Variants in SBF1 observed in about 807,000 individuals in gnomAD.
SBF1 encodes the protein SET binding factor 1.
In SBF1, 65 loss-of-function variants were observed where a neutral mutation model predicts 215.8. The observed-to-expected ratio is 0.30, with a 90% CI of 0.25 to 0.37. The LOEUF (loss-of-function observed/expected upper bound fraction) is 0.37, where lower values mean the gene tolerates loss of function less well. Among genes scored for constraint, SBF1 ranks in the 10% least tolerant of loss-of-function variants. SBF1 has a pLI of 1.00. For missense variants in SBF1, 2,634 were observed against 2,667.8 expected (o/e 0.99, Z 0.28); for synonymous variants, 1,410 against 1,122.8 (o/e 1.26, Z -5.11).
Position 50,455,254 on chromosome 22 carries a change from G to A in SBF1, c.4524C>T (p.Val1508=). ...GTACGCAGTCCAGGAACTGCAGGAA[G>A]ACGGGTGTGAAGCCGCTGCTCTGCC... ...LAGQSSGFTP[V]FLQFLDCVHQ... The change falls in exon 33 of 41, where the codon GTC becomes GTT. Residue 1508 remains valine, a synonymous_variant. Coordinates refer to ENST00000380817, the MANE Select transcript of SBF1 (RefSeq NM_002972.4). The A allele has an allele frequency of 6.2e-7, 1 of 1,613,210 alleles. No homozygotes were observed. The highest frequency in any genetic ancestry group is 8.5e-7 in the Non-Finnish European group (1 of 1,179,714).
At chr22:50,448,881 G>A (rs1295275932) in intron 36 of SBF1, among the ~76,000 whole-genome samples, 1 of 152,126 alleles carries the variant, frequency 6.6e-6, no homozygotes, top group East Asian at 1.9e-4. Flanking sequence ...ACATAATCAA[G>A]AAGCACTACA....
At chr22:50,469,830 G>A (rs530629832) in intron 1 of SBF1, among the ~76,000 whole-genome samples, 1 of 152,112 alleles carries the variant, frequency 6.6e-6, no homozygotes, top group African/African-American at 2.4e-5. Context: ...GCAGCCCAAT[G>A]GCACACACTC....
chr22:50,468,368 C>G lies in SBF1; in HGVS notation c.141+8G>C, dbSNP rs770691335. The G allele has an allele frequency of 6.2e-7, 1 of 1,612,308 alleles. No homozygotes were observed. Among genetic ancestry groups the G allele is most frequent in the East Asian group, 2.2e-5 (1 of 44,774 alleles). The stretch of plus-strand genomic sequence containing the variant: ...TGCCAGCACCGTCTCAGCACGCCCC[C>G]AACTCACCAGCTCGATGCCCTGGGG... On this transcript the variant is annotated splice_region_variant and intron_variant, in intron 2 of 40. Transcript: ENST00000380817.
At chr22:50,459,031 C>T (rs2067382760) in intron 28 of SBF1, among the ~76,000 whole-genome samples, 2 of 152,114 alleles carry the variant, frequency 1.3e-5, no homozygotes, top group South Asian at 2.1e-4. Flanking sequence ...GACGTCAGGG[C>T]GGGCAGGAGG....
chr22:50,455,622 G>T, intron 31 of SBF1, 40 bp from the exon 32 acceptor site: 1 of 1,514,110 alleles, frequency 6.6e-7, no homozygotes, highest in Non-Finnish European at 9.0e-7. Flanking sequence ...GGGACCCACC[G>T]CCCTCCCGCC....
At chr22:50,473,794 C>A (rs2068077393) in intron 1 of SBF1, among the ~76,000 whole-genome samples, 1 of 152,208 alleles carries the variant, frequency 6.6e-6, no homozygotes, top group African/African-American at 2.4e-5. Flanking sequence ...CCACACACTG[C>A]CAGTCTGCAG....
chr22:50,463,178 A>T, intron 16 of SBF1, 105 bp downstream of exon 16: 2 of 1,439,074 alleles, frequency 1.4e-6, no homozygotes, highest in Non-Finnish European at 1.9e-6. Context: ...CTGGCACAGG[A>T]GTCTCTTGCA....
At position 50,462,320 on chromosome 22, in the gene SBF1, C is replaced by T. The variant is rs1464563126; in HGVS notation, c.2281G>A (p.Ala761Thr). 1.2e-6 allele frequency: 2 copies of T among 1,613,934 alleles called. No homozygotes were observed. Among genetic ancestry groups the T allele is most frequent in the Non-Finnish European group, 8.5e-7 (1 of 1,180,020 alleles). Reference sequence around the variant, plus strand: ...AGGAGGAGGTAGCTCATGCGGTTGGCATAGTGGATGGCCTGGCTGAACACC... The same window carrying T: ...AGGAGGAGGTAGCTCATGCGGTTGGTATAGTGGATGGCCTGGCTGAACACC... ...STVFSQAIHY[A>T]NRMSYLLLPL... The change falls in exon 19 of 41, where the codon GCC (alanine) becomes ACC (threonine). Residue 761 changes from alanine to threonine, a missense_variant. By Grantham distance (58) the Ala-to-Thr change is moderately conservative. Coordinates refer to ENST00000380817, the MANE Select transcript of SBF1 (RefSeq NM_002972.4).
chr22:50,456,156 C>G lies in SBF1; in HGVS notation c.4266+60G>C, dbSNP rs1603431339. On this transcript the variant is annotated intron_variant, in intron 31 of 40. Coordinates refer to ENST00000380817, the MANE Select transcript of SBF1 (RefSeq NM_002972.4). ...AGCAAACCTAGACCCGTCCACTTGG[C>G]TCTACCCAAGGGGAGGGCCCAGCAC... The G allele has an allele frequency of 2.6e-6, 4 of 1,560,976 alleles. No individual in the cohort carries two copies. In the East Asian group the frequency reaches 9.1e-5, roughly 35 times the overall value.
At chr22:50,459,160 T>C (rs1603432035) in intron 28 of SBF1, 95 bp downstream of exon 28, 3 of 1,477,036 alleles carry the variant, frequency 2.0e-6, no homozygotes, top group African/African-American at 2.8e-5. Context: ...ACCAGCGCCG[T>C]TTCTGCTCCT....
intron 1 of SBF1, among the ~76,000 whole-genome samples, chr22:50,472,725 T>A (rs1474033176): frequency 6.6e-6 from 1 of 152,108 alleles, no homozygotes; most frequent in Non-Finnish European, 1.5e-5. Flanking sequence ...CACGCCACAC[T>A]CCTCTGCTTC....
At chr22:50,463,781 T>TG (rs769070219) in intron 15 of SBF1, among the ~76,000 whole-genome samples, 31 of 152,258 alleles carry the variant, frequency 2.0e-4, no homozygotes, top group Middle Eastern at 6.8e-3. Flanking sequence ...CAGAAAGCCT[T>TG]GGAGTTTGCG....
rs919441961 is a variant in SBF1 at position 50,474,758 on chromosome 22, G to A, written c.55+28C>T. 2.3e-5 allele frequency: 34 copies of A among 1,460,794 alleles called. No individual in the cohort carries two copies. In the African/African-American group the frequency reaches 4.6e-4, roughly 20 times the overall value. 90.5% of individuals were successfully genotyped at this position (1,460,794 alleles called of 1,614,324 possible). ...CTCAGCACTCGACCCTCGGCCCCCG[G>A]CCCTCAGCGCTTGGCCTCGGCACTC... On this transcript the variant is annotated intron_variant, in intron 1 of 40. Transcript: ENST00000380817.
chr22:50,449,893 A>G (rs1039048928), intron 36 of SBF1, among the ~76,000 whole-genome samples: 2 of 152,208 alleles, frequency 1.3e-5, no homozygotes, highest in African/African-American at 4.8e-5. Context: ...TTGTTTCCAG[A>G]TGTCAGACAA....
chr22:50,468,024 A>G (rs542241421), intron 2 of SBF1, 101 bp from the exon 3 acceptor site: 2 of 1,410,842 alleles, frequency 1.4e-6, no homozygotes, highest in African/African-American at 2.8e-5. Context: ...AGGCTCCAAC[A>G]CACACAGGCA....
Position 50,460,427 on chromosome 22 carries a change from A to AGCAAAGGTGAGAGGAGGAGGG in SBF1, c.3147-40_3147-20dup. 1.2e-6 allele frequency: 2 copies of AGCAAAGGTGAGAGGAGGAGGG among 1,604,588 alleles called. No homozygotes were observed. The highest frequency in any genetic ancestry group is 1.7e-6 in the Non-Finnish European group (2 of 1,173,568). Reference sequence around the variant, plus strand: ...CAGGGTTCTGAGGCCCACGAGAGTCAGCAAAGGTGAGAGGAGGAGGGACAA... The same window carrying AGCAAAGGTGAGAGGAGGAGGG: ...CAGGGTTCTGAGGCCCACGAGAGTCAGCAAAGGTGAGAGGAGGAGGGGCAAAGGTGAGAGGAGGAGGGACAA... On this transcript the variant is annotated intron_variant, in intron 24 of 40. Transcript: ENST00000380817.
rs562771723 is a variant in SBF1, at chr22:50,465,993, G to A, written c.979C>T (p.Leu327=). The A allele has an allele frequency of 9.9e-6, 16 of 1,614,060 alleles. No individual in the cohort carries two copies. In the East Asian group the frequency reaches 3.6e-4, roughly 36 times the overall value. Reference sequence around the variant, plus strand: ...AGCACACTGTGCGTCTGACTCTGCAGTGGCTCTGGCAAGGGTGGAATGTGC... The same window carrying A: ...AGCACACTGTGCGTCTGACTCTGCAATGGCTCTGGCAAGGGTGGAATGTGC... ...CVHIPPLPEP[L]QSQTHSVLSM... is the part of the protein sequence containing the mutation. Residue 327 remains leucine, a synonymous_variant, in exon 9 of 41, where the codon CTG becomes TTG. Transcript: ENST00000380817.
In SBF1 at chr22:50,454,640, C is replaced by G; in HGVS notation, c.4915G>C (p.Gly1639Arg). ...TCTTCCTCTGGGGGTTCAGGGGGCC[C>G]CTGGGCCAGTTCCCAGTCATAGGGA... ...GPPYDWELAQ[G>R]PPEPPEEERS... Residue 1639 changes from glycine to arginine, a missense_variant, in exon 36 of 41, where the codon GGG (glycine) becomes CGG (arginine). By Grantham distance (125) the Gly-to-Arg change is moderately radical. Coordinates refer to ENST00000380817, the MANE Select transcript of SBF1 (RefSeq NM_002972.4). 1.3e-6 allele frequency: 2 copies of G among 1,598,064 alleles called. No individual in the cohort carries two copies. The highest frequency in any genetic ancestry group is 1.7e-4 in the Middle Eastern group (1 of 5,876).
chr22:50,470,703 C>A (rs1457230999), intron 1 of SBF1, among the ~76,000 whole-genome samples: 1 of 152,238 alleles, frequency 6.6e-6, no homozygotes, highest in Non-Finnish European at 1.5e-5. Context: ...GGACGGACCA[C>A]AGGCTAATTA....
Sources: gnomAD v4.1 joint callset for allele counts (sites outside exome capture counted in the v4.1 genomes callset) on GRCh38, gnomAD v4.1.1 for gene constraint, MANE v1.5 for transcripts, NCBI Gene and HGNC (gene_info 2026-07-23, HGNC 2026-07-21) for gene names.